Variants in GRM1 observed in about 807,000 individuals in gnomAD.
The protein encoded by GRM1 is metabotropic glutamate receptor 1.
Under a neutral mutation model 90.9 loss-of-function variants are expected in GRM1, and 33 were observed. That is an observed-to-expected ratio of 0.36 (90% CI 0.28 to 0.49). The LOEUF is 0.49. Among genes scored for constraint, GRM1 ranks in the 20% least tolerant of loss-of-function variants. The probability of loss-of-function intolerance (pLI) is 0.99; values close to 1 mark genes in which losing one functional copy is unlikely to be tolerated. For synonymous variants in GRM1, 700 were observed against 613.2 expected (o/e 1.14, Z -2.09); for missense variants, 1,190 against 1,534.3 (o/e 0.78, Z 3.75).
chr6:146,209,805 T>C (rs1420500800), intron 2 of GRM1, among the ~76,000 whole-genome samples: 1 of 152,202 alleles, frequency 6.6e-6, no homozygotes, highest in African/African-American at 2.4e-5. Flanking sequence ...GAGTAGTAGA[T>C]ACTTTACTTT....
chr6:146,306,684 G>A (rs987865049), intron 3 of GRM1, among the ~76,000 whole-genome samples: 17 of 152,114 alleles, frequency 1.1e-4, no homozygotes, highest in African/African-American at 4.1e-4. Context: ...CCAAGGAGAA[G>A]AGCAGTGAGG....
At chr6:146,167,253 CAT>C (rs1256480448) in intron 2 of GRM1, among the ~76,000 whole-genome samples, 2 of 152,100 alleles carry the variant, frequency 1.3e-5, no homozygotes, top group Non-Finnish European at 2.9e-5. Context: ...GATTCCATGG[CAT>C]AGATATATCT....
At chr6:146,060,675 T>C (rs1002514021) in intron 1 of GRM1, among the ~76,000 whole-genome samples, 1 of 152,146 alleles carries the variant, frequency 6.6e-6, no homozygotes, top group Non-Finnish European at 1.5e-5. Flanking sequence ...GTTGGTTCCA[T>C]GTCTTTACTA....
In GRM1 at chr6:146,117,249, T is replaced by C. The variant is rs184113558; in HGVS notation, c.701-42099T>C. 1.1e-4 allele frequency among the ~76,000 whole-genome samples: 16 copies of C among 151,754 alleles called. No individual in the cohort carries two copies. In the East Asian group the frequency reaches 3.1e-3, roughly 29 times the overall value. ...CAAAAATTATATTTATTGTATTCTC[T>C]GCTATATTACAATAAGGAATATAAA... On this transcript the variant is annotated intron_variant, in intron 1 of 7. Transcript: ENST00000282753.
At chr6:146,323,441 G>GT (rs1381025303) in intron 3 of GRM1, among the ~76,000 whole-genome samples, 3 of 152,100 alleles carry the variant, frequency 2.0e-5, no homozygotes, top group Admixed American at 2.0e-4. Flanking sequence ...GGGGTTGTTT[G>GT]TTTTTTTACT....
chr6:146,201,361 G>A (rs1173463857), intron 2 of GRM1, among the ~76,000 whole-genome samples: 1 of 152,152 alleles, frequency 6.6e-6, no homozygotes, highest in Non-Finnish European at 1.5e-5. Flanking sequence ...GTCAGCTCAG[G>A]CTGCTATAAC....
intron 1 of GRM1, among the ~76,000 whole-genome samples, chr6:146,109,318 C>G (rs1775453026): frequency 6.6e-6 from 1 of 152,160 alleles, no homozygotes; most frequent in African/African-American, 2.4e-5. Flanking sequence ...CCCTGTGTCC[C>G]AGCCACTCCA....
intron 2 of GRM1, among the ~76,000 whole-genome samples, chr6:146,165,781 A>T (rs1367863350): frequency 6.6e-6 from 1 of 152,128 alleles, no homozygotes; most frequent in Non-Finnish European, 1.5e-5. Flanking sequence ...AATAAATATT[A>T]TTTGTAAGAT....
chr6:146,210,432 T>C (rs1562530997), intron 2 of GRM1, among the ~76,000 whole-genome samples: 1 of 152,218 alleles, frequency 6.6e-6, no homozygotes, highest in Non-Finnish European at 1.5e-5. Flanking sequence ...CTAATTATGC[T>C]TATTAAACAT....
intron 7 of GRM1, among the ~76,000 whole-genome samples, chr6:146,418,591 A>G (rs1044430819): frequency 6.6e-6 from 1 of 151,740 alleles, no homozygotes; most frequent in Non-Finnish European, 1.5e-5. Flanking sequence ...TCCTGGGGAT[A>G]TTATGACATT....
intron 5 of GRM1, among the ~76,000 whole-genome samples, chr6:146,366,974 C>T (rs982581929): frequency 3.3e-5 from 5 of 152,030 alleles, no homozygotes; most frequent in Admixed American, 1.3e-4. Flanking sequence ...AAATCTTTGC[C>T]GAGACCAATG....
intron 3 of GRM1, among the ~76,000 whole-genome samples, chr6:146,309,196 C>G (rs113391198): frequency 6.6e-6 from 1 of 151,876 alleles, no homozygotes; most frequent in Non-Finnish European, 1.5e-5. Flanking sequence ...GTCAGGAGTT[C>G]GAGACCAGCC....
chr6:146,179,682 T>G (rs1778471565), intron 2 of GRM1, among the ~76,000 whole-genome samples: 1 of 152,226 alleles, frequency 6.6e-6, no homozygotes, highest in Admixed American at 6.5e-5. Context: ...CCCAGCTAAT[T>G]TATTTTTTGT....
chr6:146,150,940 A>G (rs199940078), intron 1 of GRM1, among the ~76,000 whole-genome samples: 12,261 of 120,138 alleles, frequency 0.1, 606 homozygotes, highest in Admixed American at 0.17. Flanking sequence ...GTGTGCGCGC[A>G]CACACACACA....
chr6:146,043,453 A>T (rs1459512340), intron 1 of GRM1, among the ~76,000 whole-genome samples: 1 of 151,894 alleles, frequency 6.6e-6, no homozygotes, highest in African/African-American at 2.4e-5. Flanking sequence ...ATTTTCATCT[A>T]TTTTTTGTTG....
At chr6:146,280,928 T>C (rs1283619712) in intron 2 of GRM1, among the ~76,000 whole-genome samples, 1 of 152,060 alleles carries the variant, frequency 6.6e-6, no homozygotes, top group Non-Finnish European at 1.5e-5. Context: ...CACACCCAAG[T>C]AGCATTTTTT....
At chr6:146,316,503 C>G (rs1358108807) in intron 3 of GRM1, among the ~76,000 whole-genome samples, 2 of 152,246 alleles carry the variant, frequency 1.3e-5, no homozygotes, top group Non-Finnish European at 2.9e-5. Context: ...AGCACGGCAT[C>G]AGCCTCTCTA....
intron 5 of GRM1, among the ~76,000 whole-genome samples, chr6:146,359,236 C>T (rs1775356909): frequency 6.6e-6 from 1 of 152,210 alleles, no homozygotes; most frequent in Non-Finnish European, 1.5e-5. Flanking sequence ...TCTCTGAAAT[C>T]CACAGGCCCC....
chr6:146,202,290 G>T (rs1779323383), intron 2 of GRM1, among the ~76,000 whole-genome samples: 1 of 152,082 alleles, frequency 6.6e-6, no homozygotes, highest in Non-Finnish European at 1.5e-5. Flanking sequence ...GGTTAGTATG[G>T]GATCTGTCGG....
Sources: allele counts gnomAD v4.1 joint callset (sites outside exome capture counted in the v4.1 genomes callset), GRCh38; gene constraint gnomAD v4.1.1; transcripts MANE v1.5; gene names NCBI Gene and HGNC (gene_info 2026-07-23, HGNC 2026-07-21).